The following ACP4 variants were observed in gnomAD, a reference collection of about 807,000 sequenced individuals.
The protein encoded by ACP4 is testicular acid phosphatase.
In ACP4, 49 loss-of-function variants were observed where a neutral mutation model predicts 47.3. The ratio of observed to expected loss-of-function variants is 1.04; its 90% CI spans 0.82 to 1.32. The LOEUF (loss-of-function observed/expected upper bound fraction) is 1.32. Among genes scored for constraint, ACP4 ranks in the 40% most tolerant of loss-of-function variants. The probability of loss-of-function intolerance (pLI) is 0.00; values close to 1 mark genes in which losing one functional copy is unlikely to be tolerated. For missense variants in ACP4, 594 were observed against 579.3 expected, an observed-to-expected ratio of 1.03 and a Z score of -0.26; for synonymous variants, 299 against 265.3, an observed-to-expected ratio of 1.13 and a Z score of -1.23.
intron 3 of ACP4, 116 bp from the exon 4 acceptor site, chr19:50,791,540 A>C: frequency 7.1e-7 from 1 of 1,407,910 alleles, no homozygotes; most frequent in East Asian, 2.3e-5. Context: ...AGGCCACATG[A>C]TTCTCAGTGT....
rs746200165 is a variant in ACP4 at position 50,794,438 on chromosome 19, C to T, written c.862-19C>T. Reference sequence around the variant, plus strand: ...CCTCCAGAGAGAAGTGCCGTCTCAGCCCTCGGGTCCACCTGCAGCATGACA... The same window carrying T: ...CCTCCAGAGAGAAGTGCCGTCTCAGTCCTCGGGTCCACCTGCAGCATGACA... On this transcript the variant is annotated intron_variant, in intron 8 of 10. Coordinates refer to ENST00000270593, the MANE Select transcript of ACP4 (RefSeq NM_033068.3). The T allele has an allele frequency of 1.9e-6, 3 of 1,612,716 alleles. No homozygotes were observed. The highest frequency in any genetic ancestry group is 2.5e-6 in the Non-Finnish European group (3 of 1,179,790).
At position 50,795,104 on chromosome 19, in the gene ACP4, G is replaced by A. The variant is rs1278698703; in HGVS notation, c.1227G>A (p.Leu409=). Reference sequence around the variant, plus strand: ...TGCTGGTGGCACTCAGCTTGGGGCTGGGCCTGCTGGCCTGGAGACCAGGGT... The same window carrying A: ...TGCTGGTGGCACTCAGCTTGGGGCTAGGCCTGCTGGCCTGGAGACCAGGGT... ...VAVLVALSLG[L]GLLAWRPGCL... The change falls in exon 11 of 11, where the codon CTG becomes CTA. Residue 409 remains leucine, a synonymous_variant. Transcript: ENST00000270593. The A allele has an allele frequency of 8.2e-6, 13 of 1,577,798 alleles. No homozygotes were observed. Among genetic ancestry groups the A allele is most frequent in the Non-Finnish European group, 1.1e-5 (13 of 1,163,440 alleles).
At position 50,792,255 on chromosome 19, in the gene ACP4, G is replaced by T; in HGVS notation, c.563G>T (p.Arg188Leu). ...CCGCGCATCCAGGGCTTCCTGAGTC[G>T]CCTGGAGAACTTCACGGGACTGTCG... is the stretch of plus-strand genomic sequence containing the variant. ...ALEGWTGFLS[R>L]LENFTGLSLV... Residue 188 changes from arginine (R) to leucine (L), a missense_variant, in exon 6 of 11, where the codon CGC becomes CTC. Arg to Leu is a moderately radical substitution (Grantham distance 102). Transcript: ENST00000270593. The T allele has an allele frequency of 6.2e-7, 1 of 1,613,288 alleles. No homozygotes were observed. The highest frequency in any genetic ancestry group is 8.5e-7 in the Non-Finnish European group (1 of 1,179,996).
chr19:50,794,106 C>G, intron 8 of ACP4, 136 bp downstream of exon 8: 1 of 998,550 alleles, frequency 1.0e-6, no homozygotes, highest in Non-Finnish European at 1.5e-6. Flanking sequence ...CCAAACCCTA[C>G]TCTCAGGCTC....
At position 50,794,489 on chromosome 19, in the gene ACP4, C is replaced by G; in HGVS notation, c.894C>G (p.Ala298=). The change falls in exon 9 of 11, where the codon GCC becomes GCG. Residue 298 remains alanine (A), a synonymous_variant. Coordinates refer to ENST00000270593, the MANE Select transcript of ACP4 (RefSeq NM_033068.3). ...GCACCCTGCTGGCCCTCCAGGGGGC[C>G]CTGGGCCTCTATGATGGACACACCC... ...HDSTLLALQG[A]LGLYDGHTPP... 1 of 1,613,610 alleles carries G rather than the reference C, an allele frequency of 6.2e-7. No individual in the cohort carries two copies. The highest frequency in any genetic ancestry group is 8.5e-7 in the Non-Finnish European group (1 of 1,179,930).
rs369998643 is a variant in ACP4 at position 50,794,811 on chromosome 19, C to T, written c.1012C>T (p.Arg338Cys). ...GGNVTVSLFY[R>C]NDSAHLPLPL... is the part of the protein sequence containing the mutation. ...GAATGTCACCGTCTCCCTCTTCTAC[C>T]GCAATGACTCCGCCCACCTGCCCCT... The change falls in exon 10 of 11, where the codon CGC becomes TGC. Residue 338 changes from arginine (R) to cysteine (C), a missense_variant. By Grantham distance (180) the Arg-to-Cys change is radical. Coordinates refer to ENST00000270593, the MANE Select transcript of ACP4 (RefSeq NM_033068.3). 6.2e-6 allele frequency: 10 copies of T among 1,608,264 alleles called. No individual in the cohort carries two copies. The highest frequency in any genetic ancestry group is 3.3e-5 in the South Asian group (3 of 90,170).
In ACP4 at chr19:50,795,120, A is replaced by G; in HGVS notation, c.1243A>G (p.Arg415Gly). The change falls in exon 11 of 11, where the codon AGA (arginine) becomes GGA (glycine). Residue 415 changes from arginine (R) to glycine (G), a missense_variant. By Grantham distance (125) the Arg-to-Gly change is moderately radical. Coordinates refer to ENST00000270593, the MANE Select transcript of ACP4 (RefSeq NM_033068.3). The stretch of plus-strand genomic sequence containing the variant: ...CTTGGGGCTGGGCCTGCTGGCCTGG[A>G]GACCAGGGTGCCTGCGGGCCTTGGG... Reference protein sequence around the residue: ...LSLGLGLLAWRPGCLRALGGP... With the variant: ...LSLGLGLLAWGPGCLRALGGP... 1 of 1,567,236 alleles carries G rather than the reference A, an allele frequency of 6.4e-7. No individual in the cohort carries two copies. The highest frequency in any genetic ancestry group is 8.6e-7 in the Non-Finnish European group (1 of 1,158,336).
rs772355083 is a variant in ACP4 at position 50,791,822 on chromosome 19, G to A, written c.450+20G>A. 9 of 1,573,586 alleles carry A rather than the reference G, an allele frequency of 5.7e-6. No homozygotes were observed. The East Asian group carries it at 9.2e-5, about 16-fold the overall frequency. On this transcript the variant is annotated intron_variant, in intron 4 of 10. Transcript: ENST00000270593. ...GATAAGGTCAGGGGGCTGGACCCAC[G>A]TGTGGCGAGGGAGGGAGCGGGTGGA...
At chr19:50,792,670 G>T in intron 6 of ACP4, 1 of 183,522 alleles carries the variant, frequency 5.4e-6, no homozygotes, top group Non-Finnish European at 1.1e-5. Flanking sequence ...CTGAAATGAT[G>T]CAATGCTTTT....
At position 50,790,880 on chromosome 19, in the gene ACP4, C is replaced by T. The variant is rs2089498903; in HGVS notation, c.303+20C>T. 6.5e-7 allele frequency: 1 copy of T among 1,539,218 alleles called. No individual in the cohort carries two copies. The highest frequency in any genetic ancestry group is 2.0e-5 in the Admixed American group (1 of 50,584). ...GAGGAGGTAGGGCCATAGTGACCCC[C>T]ACCTGGCCCCCTGACCTCCCACCTG... On this transcript the variant is annotated intron_variant, in intron 3 of 10. Transcript: ENST00000270593.
intron 3 of ACP4, among the ~76,000 whole-genome samples, chr19:50,791,075 A>C (rs1363922049): frequency 1.3e-5 from 2 of 151,848 alleles, no homozygotes; most frequent in Non-Finnish European, 2.9e-5. Context: ...GACCTCCATC[A>C]ACTCTGACTT....
At chr19:50,793,065 G>T in intron 6 of ACP4, 1 of 153,738 alleles carries the variant, frequency 6.5e-6, no homozygotes, top group Non-Finnish European at 1.4e-5. Context: ...GGGCTGCCCC[G>T]GCCCTTGCTG....
At chr19:50,794,012 G>C (rs2089533122) in intron 8 of ACP4, 42 bp downstream of exon 8, 1 of 1,608,574 alleles carries the variant, frequency 6.2e-7, no homozygotes, top group Non-Finnish European at 8.5e-7. Context: ...CTGAGGCACA[G>C]GGATGAGGGT....
rs1599913924 is a variant in ACP4, at chr19:50,795,097, T to G, written c.1220T>G (p.Leu407Trp). The change falls in exon 11 of 11, where the codon TTG (leucine) becomes TGG (tryptophan). Residue 407 changes from leucine (L) to tryptophan (W), a missense_variant. Leu to Trp is a moderately conservative substitution (Grantham distance 61). Coordinates refer to ENST00000270593, the MANE Select transcript of ACP4 (RefSeq NM_033068.3). ...GAVAVLVALSLGLGLLAWRPG... is the reference protein window; with the variant it reads ...GAVAVLVALSWGLGLLAWRPG... ...GTAGCTGTGCTGGTGGCACTCAGCT[T>G]GGGGCTGGGCCTGCTGGCCTGGAGA... 6.3e-7 allele frequency: 1 copy of G among 1,584,386 alleles called. No individual in the cohort carries two copies.
At position 50,790,811 on chromosome 19, in the gene ACP4, T is replaced by C. The variant is rs762895836; in HGVS notation, c.254T>C (p.Leu85Pro). The C allele has an allele frequency of 3.2e-5, 49 of 1,548,522 alleles. No homozygotes were observed. In the South Asian group the frequency reaches 5.8e-4, roughly 18 times the overall value. ...VRQQLELGRF[L>P]RSRYEAFLSP... ...CAGCAGCTGGAGCTGGGCCGCTTCC[T>C]GAGGAGCCGCTACGAGGCCTTCCTG... The change falls in exon 3 of 11, where the codon CTG becomes CCG. Residue 85 changes from leucine (L) to proline (P), a missense_variant. By Grantham distance (98) the Leu-to-Pro change is moderately conservative. Coordinates refer to ENST00000270593, the MANE Select transcript of ACP4 (RefSeq NM_033068.3).
At position 50,792,241 on chromosome 19, in the gene ACP4, G is replaced by A; in HGVS notation, c.550-1G>A. On this transcript the variant is annotated splice_acceptor_variant, in intron 5 of 10. Coordinates refer to ENST00000270593, the MANE Select transcript of ACP4 (RefSeq NM_033068.3). LOFTEE classifies it high-confidence loss of function. ...GGGCTCACCCAGCCCCGCGCATCCA[G>A]GGCTTCCTGAGTCGCCTGGAGAACT... 1.9e-6 allele frequency: 3 copies of A among 1,613,126 alleles called. No homozygotes were observed. Among genetic ancestry groups the A allele is most frequent in the Non-Finnish European group, 2.5e-6 (3 of 1,179,964 alleles).
In ACP4 at chr19:50,795,142, T is replaced by TG. The variant is rs1160247453; in HGVS notation, c.1271dup (p.Val426ArgfsTer?). 21 of 1,549,710 alleles carry TG rather than the reference T, an allele frequency of 1.4e-5. No individual in the cohort carries two copies. The highest frequency in any genetic ancestry group is 2.7e-5 in the African/African-American group (2 of 73,246). On this transcript the variant is annotated frameshift_variant, in exon 11 of 11. Coordinates refer to ENST00000270593, the MANE Select transcript of ACP4 (RefSeq NM_033068.3). LOFTEE classifies it high-confidence loss of function. ...TGGAGACCAGGGTGCCTGCGGGCCT[T>TG]GGGGGGCCCCGTGTGAGCCAGAAAC... is the stretch of plus-strand genomic sequence containing the variant.
rs149222498 is a variant in ACP4 at position 50,791,755 on chromosome 19, C to T, written c.403C>T (p.Arg135Cys). 27 of 1,612,490 alleles carry T rather than the reference C, an allele frequency of 1.7e-5. No homozygotes were observed. The highest frequency in any genetic ancestry group is 1.6e-4 in the African/African-American group (12 of 74,938). Residue 135 changes from arginine (R) to cysteine (C), a missense_variant, in exon 4 of 11, where the codon CGC becomes TGC. Arg to Cys is a radical substitution (Grantham distance 180). Coordinates refer to ENST00000270593, the MANE Select transcript of ACP4 (RefSeq NM_033068.3). ...PEAAPGSPEA[R>C]WRPIPVHTVP... ...GGCTGCTCCAGGGAGCCCCGAGGCC[C>T]GCTGGAGGCCGATCCCGGTGCACAC...
chr19:50,791,434 C>A (rs1451391801), intron 3 of ACP4, among the ~76,000 whole-genome samples: 4 of 152,128 alleles, frequency 2.6e-5, no homozygotes, highest in African/African-American at 9.7e-5. Context: ...ACTCAATTGA[C>A]CCCCTAAATC....
Sources: allele counts gnomAD v4.1 joint callset (sites outside exome capture counted in the v4.1 genomes callset), GRCh38; gene constraint gnomAD v4.1.1; transcripts MANE v1.5; gene names NCBI Gene and HGNC (gene_info 2026-07-23, HGNC 2026-07-21).